Variants in SEPTIN11 observed in about 807,000 individuals in gnomAD.
The protein encoded by SEPTIN11 is septin 11, also known as septin-11.
In SEPTIN11, 25 loss-of-function variants were observed where a neutral mutation model predicts 51.4. The observed-to-expected ratio is 0.49, with a 90% CI of 0.35 to 0.68. The LOEUF is 0.68. SEPTIN11 is among the 30% of genes least tolerant of loss of function. The pLI is 0.00. For missense variants in SEPTIN11, 381 were observed against 520.8 expected (o/e 0.73, Z 2.61); for synonymous variants, 174 against 184.1 (o/e 0.95, Z 0.44).
intron 2 of SEPTIN11, among the ~76,000 whole-genome samples, chr4:77,003,661 A>G (rs761498273): frequency 3.3e-5 from 5 of 152,252 alleles, no homozygotes; most frequent in Admixed American, 6.5e-5. Flanking sequence ...GGCAAGCCAT[A>G]TAAGGCTTTT....
At chr4:76,986,231 CTT>C (rs1390170117) in intron 1 of SEPTIN11, among the ~76,000 whole-genome samples, 5 of 151,806 alleles carry the variant, frequency 3.3e-5, no homozygotes, top group African/African-American at 1.2e-4. Context: ...GGGGGACTCT[CTT>C]ATACCTTGAA....
intron 1 of SEPTIN11, among the ~76,000 whole-genome samples, chr4:76,978,097 G>T (rs982864489): frequency 6.6e-6 from 1 of 152,196 alleles, no homozygotes. Flanking sequence ...CTTGCTCTTA[G>T]AAGAGTGTGA....
intron 4 of SEPTIN11, among the ~76,000 whole-genome samples, 195 bp from the exon 5 acceptor site, chr4:77,014,661 C>CAA (rs11323704): frequency 2.1e-5 from 3 of 144,920 alleles, no homozygotes; most frequent in African/African-American, 2.5e-5. Context: ...ATCTCTACCC[C>CAA]AAAAAAAAAA....
At chr4:76,972,137 C>A (rs987975551) in intron 1 of SEPTIN11, among the ~76,000 whole-genome samples, 1 of 152,190 alleles carries the variant, frequency 6.6e-6, no homozygotes, top group East Asian at 1.9e-4. Flanking sequence ...TACCTGCCCC[C>A]CTACTGCCCT....
chr4:77,004,248 T>C (rs1320152887), intron 2 of SEPTIN11, among the ~76,000 whole-genome samples: 3 of 152,168 alleles, frequency 2.0e-5, no homozygotes, highest in African/African-American at 7.2e-5. Flanking sequence ...GCTTTGCACA[T>C]GGGAGATCTC....
Position 77,019,215 on chromosome 4 carries a change from C to A in SEPTIN11, c.738C>A (p.Gly246=). 1 of 1,613,672 alleles carries A rather than the reference C, an allele frequency of 6.2e-7. No individual in the cohort carries two copies. Among genetic ancestry groups the A allele is most frequent in the Non-Finnish European group, 8.5e-7 (1 of 1,179,880 alleles). ...GCAGCACCGAAGAGGTGAAGATTGG[C>A]AACAAGATGGCAAAGGCCAGGCAGT... ...VVGSTEEVKI[G]NKMAKARQYP... The change falls in exon 6 of 10, where the codon GGC becomes GGA. Residue 246 remains glycine, a synonymous_variant. Coordinates refer to ENST00000264893, the MANE Select transcript of SEPTIN11 (RefSeq NM_018243.4).
chr4:76,969,076 T>G (rs1722141462), intron 1 of SEPTIN11, among the ~76,000 whole-genome samples: 1 of 152,192 alleles, frequency 6.6e-6, no homozygotes, highest in Non-Finnish European at 1.5e-5. Context: ...CTTCTTGCCT[T>G]GAAGAAAAGA....
At position 76,983,775 on chromosome 4, in the gene SEPTIN11, C is replaced by T. The variant is rs1396400018; in HGVS notation, c.28-12650C>T. On this transcript the variant is annotated intron_variant, in intron 1 of 9. Coordinates refer to ENST00000264893, the MANE Select transcript of SEPTIN11 (RefSeq NM_018243.4). The stretch of plus-strand genomic sequence containing the variant: ...CCGTAATCCCAGCACTTTGGGAGGC[C>T]GAGGCAGGCAGATCACAAGGTCAGG... Among the ~76,000 whole-genome samples the T allele has an allele frequency of 4.6e-5, 7 of 152,176 alleles. No individual in the cohort carries two copies. The East Asian group carries it at 5.8e-4, about 13-fold the overall frequency.
intron 5 of SEPTIN11, among the ~76,000 whole-genome samples, chr4:77,018,328 A>C (rs1368278666): frequency 1.3e-5 from 2 of 152,094 alleles, no homozygotes; most frequent in Non-Finnish European, 2.9e-5. Flanking sequence ...CGGTGCCTGT[A>C]GTCCCAGCTA....
intron 1 of SEPTIN11, among the ~76,000 whole-genome samples, chr4:76,992,114 T>C (rs1339815172): frequency 6.6e-6 from 1 of 152,234 alleles, no homozygotes; most frequent in Non-Finnish European, 1.5e-5. Context: ...TGGTTCTGTG[T>C]TGGCACTTTC....
intron 9 of SEPTIN11, among the ~76,000 whole-genome samples, chr4:77,032,460 C>T (rs1726722804): frequency 1.3e-5 from 2 of 152,206 alleles, no homozygotes; most frequent in East Asian, 1.9e-4. Context: ...CATGCAGAGA[C>T]TCAGATTACA....
At chr4:77,038,756 G>T, downstream of SEPTIN11, 5 of 626,510 alleles carry the variant, frequency 8.0e-6, no homozygotes, top group Non-Finnish European at 1.1e-5. Flanking sequence ...CTGCCGTCTG[G>T]GTTACACCAG....
intron 1 of SEPTIN11, among the ~76,000 whole-genome samples, chr4:76,957,732 C>G (rs1166150335): frequency 1.3e-5 from 2 of 152,086 alleles, no homozygotes; most frequent in Non-Finnish European, 2.9e-5. Flanking sequence ...TTCCCATTTT[C>G]TAATCATAGC....
At chr4:77,003,422 C>A (rs1578169700) in intron 2 of SEPTIN11, among the ~76,000 whole-genome samples, 1 of 152,166 alleles carries the variant, frequency 6.6e-6, no homozygotes, top group African/African-American at 2.4e-5. Context: ...ATGTTCTAGA[C>A]CAGATTCTAA....
rs2109976384 is a variant in SEPTIN11, at chr4:77,024,247, TG to T, written c.953+3578del. 6.6e-6 allele frequency among the ~76,000 whole-genome samples: 1 copy of T among 152,300 alleles called. No individual in the cohort carries two copies. The highest frequency in any genetic ancestry group is 2.4e-5 in the African/African-American group (1 of 41,554). ...TCCCTGGGGTGCCTTTAAACCCGCC[TG>T]CATTCACACTTGCGTCTTTATTGTC... is the stretch of plus-strand genomic sequence containing the variant. On this transcript the variant is annotated intron_variant, in intron 7 of 9. Coordinates refer to ENST00000264893, the MANE Select transcript of SEPTIN11 (RefSeq NM_018243.4). The surrounding 1 kb of genome is among the most constrained non-coding windows in gnomAD (Gnocchi z 4.2).
Position 77,028,609 on chromosome 4 carries a change from C to T in SEPTIN11, c.954-20C>T, listed in dbSNP as rs377189384. On this transcript the variant is annotated intron_variant, in intron 7 of 9. Transcript: ENST00000264893. Reference sequence around the variant, plus strand: ...TATACAATTTCATGATGCTGTCCTTCGTTTGTGGATTTTCAATAGTCTTCA... The same window carrying T: ...TATACAATTTCATGATGCTGTCCTTTGTTTGTGGATTTTCAATAGTCTTCA... The T allele has an allele frequency of 7.0e-6, 11 of 1,574,100 alleles. No individual in the cohort carries two copies. Among genetic ancestry groups the T allele is most frequent in the African/African-American group, 4.1e-5 (3 of 72,704 alleles).
intron 1 of SEPTIN11, among the ~76,000 whole-genome samples, chr4:76,958,294 TC>T (rs1408225900): frequency 6.6e-6 from 1 of 152,224 alleles, no homozygotes; most frequent in African/African-American, 2.4e-5. Context: ...GGAGTTGCCA[TC>T]CCAGGGGGCA....
chr4:76,975,628 A>C (rs1180979672), intron 1 of SEPTIN11, among the ~76,000 whole-genome samples: 1 of 152,110 alleles, frequency 6.6e-6, no homozygotes, highest in Non-Finnish European at 1.5e-5. Flanking sequence ...TATTTCATTC[A>C]CTCTGATGCA....
intron 1 of SEPTIN11, among the ~76,000 whole-genome samples, chr4:76,988,502 T>G (rs1363266044): frequency 6.6e-6 from 1 of 152,204 alleles, no homozygotes; most frequent in East Asian, 1.9e-4. Flanking sequence ...TTTCCTAGGT[T>G]TTTTGTTTGT....
Sources: gnomAD v4.1 joint callset for allele counts (sites outside exome capture counted in the v4.1 genomes callset) on GRCh38, gnomAD v4.1.1 for gene constraint, Gnocchi (gnomAD v3.1) non-coding constraint, MANE v1.5 for transcripts, NCBI Gene and HGNC (gene_info 2026-07-23, HGNC 2026-07-21) for gene names.